Variants in KIAA1755 observed in about 807,000 individuals in gnomAD.
KIAA1755 encodes uncharacterized protein KIAA1755.
In KIAA1755, 68 loss-of-function variants were observed where a neutral mutation model predicts 91.7. The ratio of observed to expected loss-of-function variants is 0.74; its 90% CI spans 0.61 to 0.91. The LOEUF (loss-of-function observed/expected upper bound fraction) is 0.91, where lower values mean the gene tolerates loss of function less well. Ranked by LOEUF, KIAA1755 falls within the 40% of genes least tolerant of loss-of-function variation. KIAA1755 has a pLI of 0.00. For missense variants in KIAA1755, 1,535 were observed against 1,494.4 expected (o/e 1.03, Z -0.45); for synonymous variants, 610 against 604.6 (o/e 1.01, Z -0.13).
chr20:38,228,598 A>T (rs1359807729), intron 5 of KIAA1755, among the ~76,000 whole-genome samples: 1 of 152,094 alleles, frequency 6.6e-6, no homozygotes, highest in Non-Finnish European at 1.5e-5. Context: ...TCCCTCCAAA[A>T]AGCCAAGTTC....
At chr20:38,215,714 C>T (rs5026717) in intron 13 of KIAA1755, among the ~76,000 whole-genome samples, 61,437 of 151,944 alleles carry the variant, frequency 0.4, 13,067 homozygotes, top group East Asian at 0.52. Context: ...TTGATCGATC[C>T]GGGAAGGCCA....
At chr20:38,255,839 G>A (rs546601026) in intron 1 of KIAA1755, among the ~76,000 whole-genome samples, 8 of 152,066 alleles carry the variant, frequency 5.3e-5, no homozygotes, top group East Asian at 3.9e-4. Context: ...GCATGACCTC[G>A]ACCCCCTGCC....
intron 7 of KIAA1755, 61 bp from the exon 8 acceptor site, chr20:38,225,842 T>A (rs547293830): frequency 2.0e-6 from 2 of 999,110 alleles, no homozygotes; most frequent in East Asian, 5.4e-5. Context: ...TTTTAGAAGG[T>A]CCTGCCCAGA....
chr20:38,237,827 C>CGATGGGGGGAGTCATGT (rs2075986320), intron 4 of KIAA1755, among the ~76,000 whole-genome samples: 2 of 137,204 alleles, frequency 1.5e-5, no homozygotes, highest in South Asian at 4.8e-4. Flanking sequence ...ACGGGGGATG[C>CGATGGGGGGAGTCATGT]GATGGGGGGA....
chr20:38,252,909 G>A lies in KIAA1755; in HGVS notation c.4-6783C>T, dbSNP rs565102016. On this transcript the variant is annotated intron_variant, in intron 1 of 13. Transcript: ENST00000279024. ...GTGGTGGGTGTGGGGGTGCCCAGGC[G>A]GCTGCAGGAAGGAACGCTAGCCACT... 2.0e-5 allele frequency among the ~76,000 whole-genome samples: 3 copies of A among 152,266 alleles called. No homozygotes were observed. The South Asian group carries it at 6.2e-4, about 32-fold the overall frequency.
At chr20:38,250,948 T>G (rs1397647003) in intron 1 of KIAA1755, among the ~76,000 whole-genome samples, 1 of 152,106 alleles carries the variant, frequency 6.6e-6, no homozygotes, top group East Asian at 1.9e-4. Flanking sequence ...ACATCATCAC[T>G]ATAAATGGAG....
chr20:38,242,185 C>T (rs75224850), intron 2 of KIAA1755, among the ~76,000 whole-genome samples: 5 of 152,214 alleles, frequency 3.3e-5, no homozygotes, highest in African/African-American at 7.2e-5. Flanking sequence ...AGTTAGCAAT[C>T]GGCTTTCCCA....
intron 6 of KIAA1755, among the ~76,000 whole-genome samples, chr20:38,227,871 G>A (rs970439781): frequency 1.3e-5 from 2 of 152,246 alleles, no homozygotes; most frequent in African/African-American, 4.8e-5. Flanking sequence ...AAGAGAACGG[G>A]GCCAGAAATG....
intron 4 of KIAA1755, among the ~76,000 whole-genome samples, chr20:38,237,204 A>G (rs1015598081): frequency 6.6e-6 from 1 of 151,546 alleles, no homozygotes; most frequent in African/African-American, 2.4e-5. Flanking sequence ...CTGAGATTTA[A>G]GTTGGGGAAG....
At chr20:38,259,591 C>A (rs1316650284) in intron 1 of KIAA1755, among the ~76,000 whole-genome samples, 1 of 54 alleles carries the variant, frequency 0.019, no homozygotes, top group Non-Finnish European at 0.038. Context: ...TGTGGAGATG[C>A]ATTTGCTGTG....
intron 5 of KIAA1755, among the ~76,000 whole-genome samples, chr20:38,230,813 G>A (rs1356187856): frequency 5.3e-5 from 8 of 151,956 alleles, no homozygotes; most frequent in Non-Finnish European, 7.4e-5. Flanking sequence ...GCTTGAACCC[G>A]GGAGGCGGAG....
rs755028344 is a variant in KIAA1755, at chr20:38,241,413, T to A, written c.718A>T (p.Thr240Ser). Residue 240 changes from threonine (T) to serine (S), a missense_variant, in exon 3 of 14, where the codon ACA (threonine) becomes TCA (serine). Thr to Ser is a moderately conservative substitution (Grantham distance 58). Transcript: ENST00000279024. Reference sequence around the variant, plus strand: ...AGTCCTGGATACTTGCTCCCATATGTCCTGCCCTTACCCTTGGCCAAACTC... The same window carrying A: ...AGTCCTGGATACTTGCTCCCATATGACCTGCCCTTACCCTTGGCCAAACTC... ...AQSLAKGKGR[T>S]YGSKYPGLIK... 1.9e-6 allele frequency: 3 copies of A among 1,614,094 alleles called. No individual in the cohort carries two copies. Among genetic ancestry groups the A allele is most frequent in the Non-Finnish European group, 2.5e-6 (3 of 1,180,030 alleles).
chr20:38,250,510 GTC>G (rs1052625305), intron 1 of KIAA1755, among the ~76,000 whole-genome samples: 22 of 135,898 alleles, frequency 1.6e-4, no homozygotes, highest in African/African-American at 2.6e-4. Context: ...GTGTGTGTGT[GTC>G]TGTGTGTGTG....
chr20:38,230,588 A>C (rs1402300513), intron 5 of KIAA1755, among the ~76,000 whole-genome samples: 1 of 152,170 alleles, frequency 6.6e-6, no homozygotes, highest in Non-Finnish European at 1.5e-5. Context: ...ATTCGAATGC[A>C]CCTTCAAATT....
Position 38,231,253 on chromosome 20 carries a change from C to G in KIAA1755, c.1820G>C (p.Cys607Ser). 6.2e-7 allele frequency: 1 copy of G among 1,613,340 alleles called. No homozygotes were observed. The highest frequency in any genetic ancestry group is 8.5e-7 in the Non-Finnish European group (1 of 1,179,800). ...TAGCTTGGTGACCTCTGAAACTGTG[C>G]ACCATGGTGCCTCCCAGGCCCCCTC... Reference protein sequence around the residue: ...TTEGAWEAPWCTVSEVTKLLS... With the variant: ...TTEGAWEAPWSTVSEVTKLLS... The change falls in exon 5 of 14, where the codon TGC becomes TCC. Residue 607 changes from cysteine to serine, a missense_variant. Transcript: ENST00000279024.
chr20:38,221,029 A>G (rs80128560), intron 10 of KIAA1755, among the ~76,000 whole-genome samples: 2,842 of 152,336 alleles, frequency 0.019, 90 homozygotes, highest in African/African-American at 0.065. Context: ...GGAAGAGAGA[A>G]GATGGAAGAA....
At chr20:38,218,152 T>C in intron 12 of KIAA1755, 92 bp downstream of exon 12, 2 of 1,549,086 alleles carry the variant, frequency 1.3e-6, no homozygotes, top group Non-Finnish European at 1.8e-6. Context: ...TCTTGCTCTT[T>C]CCCACCTCCA....
At chr20:38,259,510 CGTGT>C (rs74179896) in intron 1 of KIAA1755, among the ~76,000 whole-genome samples, 42 of 137,464 alleles carry the variant, frequency 3.1e-4, no homozygotes, top group East Asian at 2.6e-3. Flanking sequence ...TGAGTGCCTG[CGTGT>C]GTGTGTGTGT....
chr20:38,257,524 T>G (rs1160638518), intron 1 of KIAA1755, among the ~76,000 whole-genome samples: 1 of 144,144 alleles, frequency 6.9e-6, no homozygotes, highest in Non-Finnish European at 1.5e-5. Context: ...GAGATTGCAG[T>G]GAGCCAAGAC....
Sources: gnomAD v4.1 joint callset for allele counts (sites outside exome capture counted in the v4.1 genomes callset) on GRCh38, gnomAD v4.1.1 for gene constraint, MANE v1.5 for transcripts, NCBI Gene and HGNC (gene_info 2026-07-23, HGNC 2026-07-21) for gene names.